SLC44A5: variants seen among roughly 807,000 people sequenced by gnomAD.
The protein encoded by SLC44A5 is solute carrier family 44 member 5, also known as choline transporter-like protein 5.
In SLC44A5, 57 loss-of-function variants were observed where a neutral mutation model predicts 101.8. The ratio of observed to expected loss-of-function variants is 0.56; its 90% CI spans 0.45 to 0.70. The LOEUF is 0.70. Among genes scored for constraint, SLC44A5 ranks in the 30% least tolerant of loss-of-function variants. The pLI, the probability that SLC44A5 is intolerant of heterozygous loss-of-function variation, is 0.00. For synonymous variants in SLC44A5, 281 were observed against 290.9 expected, an observed-to-expected ratio of 0.97 and a Z score of 0.35; for missense variants, 737 against 853.1, an observed-to-expected ratio of 0.86 and a Z score of 1.70.
At chr1:75,516,237 G>A (rs572782978) in intron 2 of SLC44A5, among the ~76,000 whole-genome samples, 3 of 152,156 alleles carry the variant, frequency 2.0e-5, no homozygotes, top group Non-Finnish European at 2.9e-5. Flanking sequence ...AACACAGGCC[G>A]GGCGCGGTGG....
chr1:75,513,937 A>G (rs964231530), intron 2 of SLC44A5, among the ~76,000 whole-genome samples: 1 of 152,190 alleles, frequency 6.6e-6, no homozygotes, highest in Non-Finnish European at 1.5e-5. Flanking sequence ...GGCTCAAGCA[A>G]TCCTCCTGCC....
intron 2 of SLC44A5, among the ~76,000 whole-genome samples, chr1:75,526,676 A>C (rs1670425272): frequency 6.6e-6 from 1 of 152,210 alleles, no homozygotes; most frequent in Non-Finnish European, 1.5e-5. Context: ...TACTGCATCC[A>C]GTTTACCCTT....
chr1:75,586,062 C>G (rs1011976510), intron 1 of SLC44A5, among the ~76,000 whole-genome samples: 1 of 152,166 alleles, frequency 6.6e-6, no homozygotes, highest in Non-Finnish European at 1.5e-5. Context: ...CTGGATGTAT[C>G]TATGAGGGTG....
At chr1:75,245,094 G>T (rs1285895484) in intron 7 of SLC44A5, among the ~76,000 whole-genome samples, 1 of 152,108 alleles carries the variant, frequency 6.6e-6, no homozygotes, top group African/African-American at 2.4e-5. Flanking sequence ...ATAACAAAAT[G>T]TATAGGCCTC....
chr1:75,715,282 T>C, the SLC44A5 span, among the ~76,000 whole-genome samples: 1 of 151,308 alleles, frequency 6.6e-6, no homozygotes, highest in East Asian at 1.9e-4. Context: ...TTCACAGAGT[T>C]TAAAAAAACA....
At chr1:75,581,731 T>C (rs1053159996) in intron 1 of SLC44A5, among the ~76,000 whole-genome samples, 20 of 152,206 alleles carry the variant, frequency 1.3e-4, no homozygotes, top group African/African-American at 1.9e-4. Context: ...GACTTGGTGC[T>C]GTCATCACAG....
intron 2 of SLC44A5, among the ~76,000 whole-genome samples, chr1:75,457,948 T>C (rs1570338354): frequency 6.6e-6 from 1 of 152,252 alleles, no homozygotes; most frequent in Non-Finnish European, 1.5e-5. Context: ...CCACATTCCT[T>C]GTAGCATGTG....
chr1:75,703,639 T>C, the SLC44A5 span, among the ~76,000 whole-genome samples: 2 of 146,498 alleles, frequency 1.4e-5, no homozygotes, highest in South Asian at 4.3e-4. Context: ...TGTGCTCATG[T>C]ACCCTAAAAC....
At chr1:75,652,003 A>G in the SLC44A5 span, among the ~76,000 whole-genome samples, 1 of 152,170 alleles carries the variant, frequency 6.6e-6, no homozygotes, top group Non-Finnish European at 1.5e-5. Flanking sequence ...GTGAGATCTC[A>G]GGAGTTGGGC....
the SLC44A5 span, among the ~76,000 whole-genome samples, chr1:75,712,281 A>G: frequency 1.3e-5 from 2 of 152,230 alleles, no homozygotes; most frequent in African/African-American, 4.8e-5. Flanking sequence ...TGATAATTTC[A>G]TATTTCTGAG....
intron 3 of SLC44A5, among the ~76,000 whole-genome samples, chr1:75,392,100 T>G (rs1309960502): frequency 1.3e-5 from 2 of 151,872 alleles, no homozygotes; most frequent in African/African-American, 4.8e-5. Flanking sequence ...CAGTGAGCCA[T>G]GATCACGCCA....
chr1:75,461,360 C>A (rs962607534), intron 2 of SLC44A5, among the ~76,000 whole-genome samples: 3 of 152,168 alleles, frequency 2.0e-5, no homozygotes, highest in Non-Finnish European at 4.4e-5. Context: ...AGGTCACAAC[C>A]TTCACACACG....
chr1:75,548,664 A>G lies in SLC44A5; in HGVS notation c.-69-7148T>C, dbSNP rs191715479. Among the ~76,000 whole-genome samples, 6 of 152,282 alleles carry G rather than the reference A, an allele frequency of 3.9e-5. No individual in the cohort carries two copies. In the East Asian group the frequency reaches 1.2e-3, roughly 29 times the overall value. ...AGACTGTTTACTAATGAGATCATCA[A>G]GAAACAGCCAACATCAATTGTTTAG... On this transcript the variant is annotated intron_variant, in intron 1 of 23. Transcript: ENST00000370859.
intron 5 of SLC44A5, among the ~76,000 whole-genome samples, chr1:75,292,011 C>CAAAAA (rs768550940): frequency 1.9e-5 from 1 of 52,240 alleles, no homozygotes; most frequent in Non-Finnish European, 4.0e-5. Context: ...GACTCTGTCT[C>CAAAAA]AAAAAAAAAA....
the SLC44A5 span, among the ~76,000 whole-genome samples, chr1:75,618,273 C>T: frequency 1.0e-3 from 152 of 152,280 alleles, no homozygotes; most frequent in African/African-American, 3.5e-3. Flanking sequence ...TCAAAGTGTC[C>T]TTACATGCAT....
At chr1:75,637,957 A>G in the SLC44A5 span, among the ~76,000 whole-genome samples, 1 of 152,006 alleles carries the variant, frequency 6.6e-6, no homozygotes, top group South Asian at 2.1e-4. Flanking sequence ...CTTTCCCTCT[A>G]TTACCTAGTA....
intron 5 of SLC44A5, among the ~76,000 whole-genome samples, chr1:75,291,961 G>C (rs1231691023): frequency 1.3e-5 from 2 of 149,666 alleles, no homozygotes; most frequent in African/African-American, 4.9e-5. Flanking sequence ...GCAGTGAGCC[G>C]AGATCGCGCC....
the SLC44A5 span, among the ~76,000 whole-genome samples, chr1:75,658,467 A>T: frequency 2.0e-5 from 3 of 152,320 alleles, no homozygotes; most frequent in South Asian, 6.2e-4. Context: ...AATCAATAAC[A>T]AAAGGAATTT....
chr1:75,616,010 G>T, upstream of SLC44A5: 1 of 480,878 alleles, frequency 2.1e-6, no homozygotes, highest in Non-Finnish European at 2.7e-6. Context: ...TGGCATCTGC[G>T]AGCAGCAGCG....
Sources: allele counts gnomAD v4.1 joint callset (sites outside exome capture counted in the v4.1 genomes callset), GRCh38; gene constraint gnomAD v4.1.1; transcripts MANE v1.5; gene names NCBI Gene and HGNC (gene_info 2026-07-23, HGNC 2026-07-21).